Variants in SLC20A2 observed in about 807,000 individuals in gnomAD.
The protein encoded by SLC20A2 is solute carrier family 20 member 2.
A neutral mutation model predicts 61.0 loss-of-function variants in SLC20A2; 30 were observed. The observed-to-expected ratio is 0.49, with a 90% confidence interval of 0.37 to 0.67. SLC20A2 has a LOEUF of 0.67. SLC20A2 is among the 30% of genes least tolerant of loss of function. SLC20A2 has a pLI of 0.00. For synonymous variants in SLC20A2, 351 were observed against 353.3 expected, an observed-to-expected ratio of 0.99 and a Z score of 0.07; for missense variants, 626 against 866.4, an observed-to-expected ratio of 0.72 and a Z score of 3.48.
At chr8:42,459,308 T>C (rs1255596177) in intron 5 of SLC20A2, among the ~76,000 whole-genome samples, 1 of 148,912 alleles carries the variant, frequency 6.7e-6, no homozygotes, top group Non-Finnish European at 1.5e-5. Context: ...AAAGGAGTAA[T>C]TCAGCAAAGA....
chr8:42,469,252 G>T (rs1393288018), intron 2 of SLC20A2, among the ~76,000 whole-genome samples: 1 of 151,850 alleles, frequency 6.6e-6, no homozygotes, highest in East Asian at 1.9e-4. Flanking sequence ...CCAGGGCAAA[G>T]AACCCGATTT....
At chr8:42,465,321 T>C (rs1807066845) in intron 3 of SLC20A2, among the ~76,000 whole-genome samples, 1 of 151,810 alleles carries the variant, frequency 6.6e-6, no homozygotes, top group Non-Finnish European at 1.5e-5. Context: ...CCTCCCAAAG[T>C]GCTGGGATTA....
intron 6 of SLC20A2, among the ~76,000 whole-genome samples, chr8:42,441,900 T>C (rs1453311568): frequency 1.3e-5 from 2 of 151,906 alleles, no homozygotes; most frequent in African/African-American, 4.9e-5. Context: ...CACAGAGCAA[T>C]AGTTTGAAAT....
intron 2 of SLC20A2, among the ~76,000 whole-genome samples, chr8:42,471,745 T>C (rs769581919): frequency 2.0e-5 from 3 of 152,240 alleles, no homozygotes; most frequent in Non-Finnish European, 4.4e-5. Context: ...GGAAATTTCA[T>C]ACATCAACCT....
At chr8:42,435,225 T>A (rs1326667910) in intron 8 of SLC20A2, among the ~76,000 whole-genome samples, 2 of 152,090 alleles carry the variant, frequency 1.3e-5, no homozygotes, top group Admixed American at 1.3e-4. Flanking sequence ...GATGCCCAGG[T>A]TCATCTGCAG....
rs931982189 is a variant in SLC20A2 at position 42,435,761 on chromosome 8, G to A, written c.1523+1228C>T. Among the ~76,000 whole-genome samples, 6 of 152,264 alleles carry A rather than the reference G, an allele frequency of 3.9e-5. No homozygotes were observed. In the South Asian group the frequency reaches 1.0e-3, roughly 26 times the overall value. ...GGGCGGCAGCTCCAGCGGCTGCATCGTGCAGTGGGGAGAACTAGGGCCCAC... is the reference window on the plus strand; with the variant it reads ...GGGCGGCAGCTCCAGCGGCTGCATCATGCAGTGGGGAGAACTAGGGCCCAC... On this transcript the variant is annotated intron_variant, in intron 8 of 10. Transcript: ENST00000520262.
At chr8:42,424,391 C>G (rs1271084243) in intron 10 of SLC20A2, among the ~76,000 whole-genome samples, 2 of 152,146 alleles carry the variant, frequency 1.3e-5, no homozygotes, top group African/African-American at 4.8e-5. Context: ...TCTCCACTCA[C>G]CACAACCTCC....
chr8:42,504,852 CAAAAAAAAAAAAAAAAAAAAA>C (rs771127709), upstream of SLC20A2, among the ~76,000 whole-genome samples: 3 of 16,492 alleles, frequency 1.8e-4, no homozygotes, highest in African/African-American at 4.3e-4. Context: ...GACTCCGTCT[CAAAAAAAAAAAAAAAAAAAAA>C]AAAAAAAAAA....
intron 6 of SLC20A2, among the ~76,000 whole-genome samples, chr8:42,442,870 C>G (rs1290807584): frequency 6.6e-6 from 1 of 152,094 alleles, no homozygotes; most frequent in African/African-American, 2.4e-5. Flanking sequence ...TTTCCAAATG[C>G]AGATATATCC....
chr8:42,538,402 A>G (rs1812844171), intron 1 of SLC20A2: 2 of 152,052 alleles, frequency 1.3e-5, no homozygotes, highest in Non-Finnish European at 2.9e-5. Flanking sequence ...TATCAATATA[A>G]AGCTATAAAA....
intron 6 of SLC20A2, among the ~76,000 whole-genome samples, chr8:42,443,225 A>T (rs1804917212): frequency 7.0e-6 from 1 of 142,490 alleles, no homozygotes; most frequent in Non-Finnish European, 1.5e-5. Context: ...ACCACAGTAT[A>T]ATTATTACAG....
chr8:42,455,257 T>TATATATATATATATAGAG (rs1357416749), intron 5 of SLC20A2, among the ~76,000 whole-genome samples: 1 of 81,618 alleles, frequency 1.2e-5, no homozygotes, highest in African/African-American at 4.4e-5. Context: ...TATATATATA[T>TATATATATATATATAGAG]AGAGAGAGAG....
At chr8:42,429,369 C>T (rs567351787) in intron 9 of SLC20A2, among the ~76,000 whole-genome samples, 4 of 152,270 alleles carry the variant, frequency 2.6e-5, no homozygotes, top group African/African-American at 9.6e-5. Context: ...GGCAGAGCTG[C>T]GTGATGAAAC....
intron 1 of SLC20A2, among the ~76,000 whole-genome samples, chr8:42,482,017 A>G (rs1253939248): frequency 6.6e-6 from 1 of 152,216 alleles, no homozygotes; most frequent in Non-Finnish European, 1.5e-5. Flanking sequence ...AAATAAATCT[A>G]AGTGCATATA....
At chr8:42,526,399 T>TC in intron 1 of SLC20A2, among the ~76,000 whole-genome samples, 1 of 148,604 alleles carries the variant, frequency 6.7e-6, no homozygotes, top group South Asian at 2.2e-4. Flanking sequence ...GCCGGCTGGG[T>TC]GTGGTGGCTC....
intron 5 of SLC20A2, among the ~76,000 whole-genome samples, chr8:42,445,753 A>G (rs546378680): frequency 6.6e-6 from 1 of 152,212 alleles, no homozygotes; most frequent in Non-Finnish European, 1.5e-5. Context: ...ATAAAGAAAA[A>G]AAAAGAAAGG....
At chr8:42,450,194 T>TA (rs957571909) in intron 5 of SLC20A2, among the ~76,000 whole-genome samples, 3 of 151,604 alleles carry the variant, frequency 2.0e-5, no homozygotes, top group Non-Finnish European at 4.4e-5. Context: ...TATATATATA[T>TA]TTTTTGCACA....
intron 5 of SLC20A2, among the ~76,000 whole-genome samples, chr8:42,453,866 A>G (rs538134063): frequency 9.8e-5 from 15 of 152,338 alleles, no homozygotes; most frequent in African/African-American, 2.9e-4. Context: ...AGTTAAGGCC[A>G]AAAGACTGGG....
chr8:42,439,579 G>C lies in SLC20A2; in HGVS notation c.805C>G (p.Pro269Ala). ...SLSKVQEAES[P>A]VFKELPGAKA... The stretch of plus-strand genomic sequence containing the variant: ...GCACCTGGTAGCTCTTTAAATACTG[G>C]GGACTCTGCTTCCTGAACCTTACTG... Residue 269 changes from proline (P) to alanine (A), a missense_variant, in exon 7 of 11, where the codon CCA (proline) becomes GCA (alanine). Physicochemically the swap from Pro to Ala is conservative, Grantham distance 27. Transcript: ENST00000520262. 1.2e-6 allele frequency: 2 copies of C among 1,614,152 alleles called. No individual in the cohort carries two copies. Among genetic ancestry groups the C allele is most frequent in the Non-Finnish European group, 1.7e-6 (2 of 1,180,006 alleles).
Sources: gnomAD v4.1 joint callset for allele counts (sites outside exome capture counted in the v4.1 genomes callset) on GRCh38, gnomAD v4.1.1 for gene constraint, MANE v1.5 for transcripts, NCBI Gene and HGNC (gene_info 2026-07-23, HGNC 2026-07-21) for gene names.